The following SLC23A1 variants were observed in gnomAD, a reference collection of about 807,000 sequenced individuals.
SLC23A1 encodes Na(+)/L-ascorbic acid transporter 1.
Under a neutral mutation model 62.5 loss-of-function variants are expected in SLC23A1, and 31 were observed. That is an observed-to-expected ratio of 0.50 (90% CI 0.37 to 0.67). The LOEUF (loss-of-function observed/expected upper bound fraction) is 0.67, where lower values mean the gene tolerates loss of function less well. Ranked by LOEUF, SLC23A1 falls within the 30% of genes least tolerant of loss-of-function variation. The pLI is 0.00. For missense variants in SLC23A1, 640 were observed against 782.7 expected (o/e 0.82, Z 2.18); for synonymous variants, 271 against 313.2 (o/e 0.87, Z 1.42).
At position 139,372,088 on chromosome 5, in the gene SLC23A1, GA is replaced by G; in HGVS notation, c.1714del (p.Ser572LeufsTer30). 1 of 1,613,102 alleles carries G rather than the reference GA, an allele frequency of 6.2e-7. No homozygotes were observed. The highest frequency in any genetic ancestry group is 8.5e-7 in the Non-Finnish European group (1 of 1,179,016). On this transcript the variant is annotated frameshift_variant, in exon 14 of 15. Coordinates refer to ENST00000348729, the MANE Select transcript of SLC23A1 (RefSeq NM_005847.5). LOFTEE classifies it high-confidence loss of function. The stretch of plus-strand genomic sequence containing the variant: ...TGCAATCTGATCTTTTGAACTTGAA[GA>G]AAATCCTTTGAAGACTGGGCAGATA... ...IPICPVFKGFSSSSKDQIAIP... is the reference protein window; with the variant it reads ...IPICPVFKGFXSSSKDQIAIP...
chr5:139,377,566 C>A (rs976181435), intron 12 of SLC23A1, 69 bp from the exon 13 acceptor site: 29 of 831,988 alleles, frequency 3.5e-5, no homozygotes, highest in African/African-American at 3.3e-4. Context: ...GGGACTTCCT[C>A]TTGTGCAGCT....
In SLC23A1 at chr5:139,378,480, A is replaced by G; in HGVS notation, c.1179+99T>C. ...GCTTGATGCGGGGGCGAGGCCTCTC[A>G]AAGACAGGGTGGGGCTAAACCAAAG... On this transcript the variant is annotated intron_variant, in intron 10 of 14. Coordinates refer to ENST00000348729, the MANE Select transcript of SLC23A1 (RefSeq NM_005847.5). This position sits in a 1 kb window ranked among gnomAD's most constrained non-coding sequence, Gnocchi z 4.5. The G allele has an allele frequency of 7.0e-7, 1 of 1,432,764 alleles. No individual in the cohort carries two copies. Among genetic ancestry groups the G allele is most frequent in the Non-Finnish European group, 9.6e-7 (1 of 1,044,590 alleles). 88.8% of individuals were successfully genotyped at this position (1,432,764 alleles called of 1,614,324 possible). A position where few individuals can be genotyped will look rare whatever the true frequency, so the allele number is the denominator to read the frequency against.
chr5:139,379,458 C>T lies in SLC23A1; in HGVS notation c.926-104G>A, dbSNP rs574516589. ...GGAGCAAGAGCAGATCAGGAGACCTCAGGCTGGGATGGGAGCTATACAGTT... is the reference window on the plus strand; with the variant it reads ...GGAGCAAGAGCAGATCAGGAGACCTTAGGCTGGGATGGGAGCTATACAGTT... On this transcript the variant is annotated intron_variant, in intron 8 of 14. Coordinates refer to ENST00000348729, the MANE Select transcript of SLC23A1 (RefSeq NM_005847.5). This position sits in a 1 kb window ranked among gnomAD's most constrained non-coding sequence, Gnocchi z 4.7. The T allele has an allele frequency of 1.4e-5, 17 of 1,228,168 alleles. No individual in the cohort carries two copies. The African/African-American group carries it at 2.5e-4, about 18-fold the overall frequency. The allele number at this position is 1,228,168 out of a possible 1,614,324, so 76.1% of individuals were successfully genotyped here.
At chr5:139,375,996 T>C (rs1416392065) in intron 13 of SLC23A1, among the ~76,000 whole-genome samples, 3 of 151,844 alleles carry the variant, frequency 2.0e-5, no homozygotes, top group Non-Finnish European at 4.4e-5. Flanking sequence ...TAGCCGGGCA[T>C]GGTGGCATGC....
At chr5:139,374,604 A>G (rs1757854490) in intron 13 of SLC23A1, among the ~76,000 whole-genome samples, 1 of 151,668 alleles carries the variant, frequency 6.6e-6, no homozygotes, top group African/African-American at 2.4e-5. Flanking sequence ...GCAAGTGACA[A>G]CCCCCCTGAG....
intron 14 of SLC23A1, among the ~76,000 whole-genome samples, 165 bp downstream of exon 14, chr5:139,371,822 C>T (rs1757685227): frequency 6.6e-6 from 1 of 152,232 alleles, no homozygotes; most frequent in Admixed American, 6.5e-5. Context: ...TAAAGGAATT[C>T]CACCCAAAAT....
At chr5:139,373,164 G>A (rs1414507238) in intron 13 of SLC23A1, among the ~76,000 whole-genome samples, 9 of 151,374 alleles carry the variant, frequency 5.9e-5, no homozygotes, top group Admixed American at 5.9e-4. Flanking sequence ...GTTTTTTTGT[G>A]TTGTGTTTTT....
intron 3 of SLC23A1, 139 bp downstream of exon 3, chr5:139,381,753 G>T (rs1026965117): frequency 2.6e-5 from 18 of 687,124 alleles, no homozygotes; most frequent in African/African-American, 2.5e-4. Context: ...TCTAAGGCTG[G>T]CCTGGGATAG....
At chr5:139,368,634 CTTT>C in intron 14 of SLC23A1, 3 of 649,854 alleles carry the variant, frequency 4.6e-6, no homozygotes, top group Non-Finnish European at 5.2e-6. Context: ...GTTCTTTTGT[CTTT>C]TTTTTTTTGG....
rs1758297152 is a variant in SLC23A1 at position 139,382,049 on chromosome 5, G to A, written c.151C>T (p.His51Tyr). 1 of 1,607,212 alleles carries A rather than the reference G, an allele frequency of 6.2e-7. No homozygotes were observed. Among genetic ancestry groups the A allele is most frequent in the African/African-American group, 1.3e-5 (1 of 74,824 alleles). Residue 51 changes from histidine to tyrosine, a missense_variant and splice_region_variant, in exon 3 of 15, where the codon CAC becomes TAC. His to Tyr is a moderately conservative substitution (Grantham distance 83). Coordinates refer to ENST00000348729, the MANE Select transcript of SLC23A1 (RefSeq NM_005847.5). ...GTACCACTGAAGCATGTCAGGTAGT[G>A]CTGGGCAGAGGGAGACAGCAGAGTG... ...WYLCILLGFQ[H>Y]YLTCFSGTIA...
intron 12 of SLC23A1, among the ~76,000 whole-genome samples, chr5:139,377,712 A>C (rs1758011766): frequency 6.6e-6 from 1 of 152,220 alleles, no homozygotes; most frequent in African/African-American, 2.4e-5. Context: ...CTCATCTGTA[A>C]AGTTGAAATG....
At chr5:139,368,667 A>T (rs775427599) in intron 14 of SLC23A1, 21 of 1,047,722 alleles carry the variant, frequency 2.0e-5, no homozygotes, top group African/African-American at 7.9e-5. Context: ...TTGCATGAGG[A>T]TCTAGATTGA....
intron 14 of SLC23A1, chr5:139,369,066 A>T (rs1348254088): frequency 3.0e-6 from 1 of 330,948 alleles, no homozygotes; most frequent in East Asian, 5.4e-5. Context: ...CAAGCACCAA[A>T]TTAAAAGACC....
chr5:139,378,209 G>T lies in SLC23A1; in HGVS notation c.1309+13C>A, dbSNP rs949576121. On this transcript the variant is annotated intron_variant, in intron 11 of 14. Transcript: ENST00000348729. The surrounding 1 kb of genome is among the most constrained non-coding windows in gnomAD (Gnocchi z 4.5). ...ACCCGCACCGCGACCCGTGGCCCGC[G>T]CCAGACACTCACCAAAGAGAGTGCA... 3.7e-6 allele frequency: 6 copies of T among 1,612,912 alleles called. No individual in the cohort carries two copies. The highest frequency in any genetic ancestry group is 1.7e-4 in the Middle Eastern group (1 of 6,018).
chr5:139,379,276 G>A lies in SLC23A1; in HGVS notation c.1004C>T (p.Ser335Phe). 1 of 1,614,170 alleles carries A rather than the reference G, an allele frequency of 6.2e-7. No homozygotes were observed. Among genetic ancestry groups the A allele is most frequent in the Non-Finnish European group, 8.5e-7 (1 of 1,179,980 alleles). ...GGCACAGGCGTAGTAATCTCCGATGGACTCAATGATGCCTGCCAGAGTGGC... is the reference window on the plus strand; with the variant it reads ...GGCACAGGCGTAGTAATCTCCGATGAACTCAATGATGCCTGCCAGAGTGGC... Reference protein sequence around the residue: ...FSATLAGIIESIGDYYACARL... With the variant: ...FSATLAGIIEFIGDYYACARL... The change falls in exon 9 of 15, where the codon TCC becomes TTC. Residue 335 changes from serine to phenylalanine, a missense_variant. Coordinates refer to ENST00000348729, the MANE Select transcript of SLC23A1 (RefSeq NM_005847.5). This position sits in a 1 kb window ranked among gnomAD's most constrained non-coding sequence, Gnocchi z 4.7.
rs574250861 is a variant in SLC23A1 at position 139,368,507 on chromosome 5, C to T, written c.*20-876G>A. Among the ~76,000 whole-genome samples, 271 of 152,068 alleles carry T rather than the reference C, an allele frequency of 1.8e-3. 1 individual carries two copies. The highest frequency in any genetic ancestry group is 0.01 in the Middle Eastern group (3 of 294). On this transcript the variant is annotated intron_variant, in intron 14 of 14. Coordinates refer to ENST00000348729, the MANE Select transcript of SLC23A1 (RefSeq NM_005847.5). ...TTGTGCCACTGCACTCCAGCCTGGG[C>T]GACAGAGCAAGACTCCGTCACAAAA...
chr5:139,377,629 A>G (rs1758009581), intron 12 of SLC23A1, 132 bp from the exon 13 acceptor site: 4 of 649,582 alleles, frequency 6.2e-6, no homozygotes, highest in African/African-American at 3.6e-5. Flanking sequence ...TGTCTTTCCT[A>G]TCTCTGGGTT....
At chr5:139,382,213 T>A in intron 2 of SLC23A1, 164 bp from the exon 3 acceptor site, 1 of 662,292 alleles carries the variant, frequency 1.5e-6, no homozygotes, top group South Asian at 1.9e-5. Flanking sequence ...TGCTGACCAC[T>A]CTGGGGGTCA....
Position 139,379,466 on chromosome 5 carries a change from G to T in SLC23A1, c.926-112C>A. The T allele has an allele frequency of 8.7e-7, 1 of 1,152,854 alleles. No homozygotes were observed. The highest frequency in any genetic ancestry group is 1.3e-6 in the Non-Finnish European group (1 of 778,576). 71.4% of individuals were successfully genotyped at this position (1,152,854 alleles called of 1,614,324 possible). A position where few individuals can be genotyped will look rare whatever the true frequency, so the allele number is the denominator to read the frequency against. ...AGCAGATCAGGAGACCTCAGGCTGG[G>T]ATGGGAGCTATACAGTTGTGGGAGC... On this transcript the variant is annotated intron_variant, in intron 8 of 14. Coordinates refer to ENST00000348729, the MANE Select transcript of SLC23A1 (RefSeq NM_005847.5). This position sits in a 1 kb window ranked among gnomAD's most constrained non-coding sequence, Gnocchi z 4.7.
Sources: gnomAD v4.1 joint callset for allele counts (sites outside exome capture counted in the v4.1 genomes callset) on GRCh38, gnomAD v4.1.1 for gene constraint, Gnocchi (gnomAD v3.1) non-coding constraint, MANE v1.5 for transcripts, NCBI Gene and HGNC (gene_info 2026-07-23, HGNC 2026-07-21) for gene names.